The following SMYD5 variants were observed in gnomAD, a reference collection of about 807,000 sequenced individuals.
SMYD5 encodes protein-lysine N-trimethyltransferase SMYD5.
Under a neutral mutation model 57.4 loss-of-function variants are expected in SMYD5, and 35 were observed. The observed-to-expected ratio is 0.61, with a 90% CI of 0.47 to 0.81. SMYD5 has a LOEUF of 0.81. SMYD5 is among the 30% of genes least tolerant of loss of function. SMYD5 has a pLI of 0.00. For missense variants in SMYD5, 471 were observed against 527.9 expected (o/e 0.89, Z 1.06); for synonymous variants, 198 against 189.7 (o/e 1.04, Z -0.36).
chr2:73,214,571 G>C (rs368768416), intron 1 of SMYD5: 44 of 1,495,032 alleles, frequency 2.9e-5, no homozygotes, highest in African/African-American at 1.7e-4. Flanking sequence ...CGGAGTCTCC[G>C]TGCGCATTTC....
At chr2:73,214,466 G>GACGC in intron 1 of SMYD5, 104 bp downstream of exon 1, 4 of 1,573,648 alleles carry the variant, frequency 2.5e-6, no homozygotes, top group Non-Finnish European at 3.4e-6. Context: ...GTGCCGCTCG[G>GACGC]ACGCTACGGC....
At chr2:73,224,439 C>G (rs570780081) in intron 10 of SMYD5, among the ~76,000 whole-genome samples, 6 of 152,258 alleles carry the variant, frequency 3.9e-5, no homozygotes, top group East Asian at 3.9e-4. Context: ...CTTCCCACCC[C>G]CTGGTTTCCT....
chr2:73,223,504 T>G lies in SMYD5; in HGVS notation c.855T>G (p.Ile285Met). Residue 285 changes from isoleucine (I) to methionine (M), a missense_variant, in exon 9 of 13, where the codon ATT (isoleucine) becomes ATG (methionine). Physicochemically the swap from Ile to Met is conservative, Grantham distance 10. Transcript: ENST00000389501. ...PQDREQLDAF[I>M]DQLYKDIEAA... ...ACCGTGAGCAGCTTGACGCCTTCAT[T>G]GACCAGCTATACAAGGACATCGAGG... 6.2e-7 allele frequency: 1 copy of G among 1,613,916 alleles called. No homozygotes were observed. The highest frequency in any genetic ancestry group is 2.2e-5 in the East Asian group (1 of 44,868).
rs564710121 is a variant in SMYD5 at position 73,224,259 on chromosome 2, C to T, written c.940+256C>T. On this transcript the variant is annotated intron_variant, in intron 10 of 12. Coordinates refer to ENST00000389501, the MANE Select transcript of SMYD5 (RefSeq NM_006062.3). ...ACCTTACAATAGGCCAGGCCCTGTACTAAGGCAGGCATAGAGCTCTGATTC... is the reference window on the plus strand; with the variant it reads ...ACCTTACAATAGGCCAGGCCCTGTATTAAGGCAGGCATAGAGCTCTGATTC... Among the ~76,000 whole-genome samples the T allele has an allele frequency of 4.6e-5, 7 of 152,332 alleles. No homozygotes were observed. In the East Asian group the frequency reaches 1.4e-3, roughly 29 times the overall value.
intron 4 of SMYD5, 76 bp downstream of exon 4, chr2:73,220,858 G>C: frequency 6.5e-7 from 1 of 1,538,164 alleles, no homozygotes; most frequent in South Asian, 1.2e-5. Flanking sequence ...AGGTGTTGCC[G>C]TCTTTCTTAA....
chr2:73,219,501 C>T (rs1233432280), intron 2 of SMYD5, among the ~76,000 whole-genome samples: 1 of 152,218 alleles, frequency 6.6e-6, no homozygotes, highest in Non-Finnish European at 1.5e-5. Flanking sequence ...CCTGCCTCAG[C>T]CTCCCGAGTA....
chr2:73,221,912 T>A lies in SMYD5; in HGVS notation c.624T>A (p.Leu208=). ...AAGAGGAGGAAATTGTCCATAAACTTCTGGGAGACAAATTCAAGGTTATTA... is the reference window on the plus strand; with the variant it reads ...AAGAGGAGGAAATTGTCCATAAACTACTGGGAGACAAATTCAAGGTTATTA... ...ANEEEEIVHK[L]LGDKFKGQLE... Residue 208 remains leucine, a synonymous_variant, in exon 6 of 13, where the codon CTT becomes CTA. Transcript: ENST00000389501. 1 of 1,609,470 alleles carries A rather than the reference T, an allele frequency of 6.2e-7. No homozygotes were observed. The highest frequency in any genetic ancestry group is 1.1e-5 in the South Asian group (1 of 90,974).
chr2:73,225,052 G>A (rs1686473469), intron 11 of SMYD5, 92 bp downstream of exon 11: 2 of 914,456 alleles, frequency 2.2e-6, no homozygotes, highest in South Asian at 1.5e-5. Context: ...AGAGCACCTT[G>A]AAGTTCAGGC....
At chr2:73,225,558 G>A (rs943278451) in intron 11 of SMYD5, 73 bp from the exon 12 acceptor site, 1 of 1,362,328 alleles carries the variant, frequency 7.3e-7, no homozygotes, top group African/African-American at 1.4e-5. Flanking sequence ...TTGGAGATAG[G>A]GTAGCTGTTG....
intron 1 of SMYD5, among the ~76,000 whole-genome samples, chr2:73,218,393 C>T (rs1336216226): frequency 1.3e-5 from 2 of 152,184 alleles, no homozygotes; most frequent in Non-Finnish European, 2.9e-5. Flanking sequence ...CACATTCTCC[C>T]CCAAACAAGG....
chr2:73,214,579 T>G, intron 1 of SMYD5: 7 of 1,486,642 alleles, frequency 4.7e-6, no homozygotes, highest in African/African-American at 2.8e-5. Context: ...CCGTGCGCAT[T>G]TCCTCCCAGC....
intron 9 of SMYD5, 60 bp downstream of exon 9, chr2:73,223,592 G>A (rs1686443870): frequency 1.7e-6 from 2 of 1,154,212 alleles, no homozygotes; most frequent in African/African-American, 3.0e-5. Context: ...TCAGATGGTG[G>A]ACACAAAGTC....
chr2:73,225,628 C>T lies in SMYD5; in HGVS notation c.1036-3C>T. The T allele has an allele frequency of 1.9e-6, 3 of 1,614,112 alleles. No homozygotes were observed. Among genetic ancestry groups the T allele is most frequent in the Non-Finnish European group, 2.5e-6 (3 of 1,179,938 alleles). The stretch of plus-strand genomic sequence containing the variant: ...CATCAGACTGCACTTCTCTGCCCTA[C>T]AGGAAATTTGTATCAGCTACTTGGA... On this transcript the variant is annotated splice_polypyrimidine_tract_variant and splice_region_variant and intron_variant, in intron 11 of 12. Coordinates refer to ENST00000389501, the MANE Select transcript of SMYD5 (RefSeq NM_006062.3).
chr2:73,225,505 C>G (rs574224261), intron 11 of SMYD5, 126 bp from the exon 12 acceptor site: 2 of 858,146 alleles, frequency 2.3e-6, no homozygotes, highest in Admixed American at 4.2e-5. Context: ...AGCCCCTTCA[C>G]TGAAGGGCAA....
At chr2:73,224,757 C>T in intron 10 of SMYD5, 109 bp from the exon 11 acceptor site, 1 of 843,800 alleles carries the variant, frequency 1.2e-6, no homozygotes, top group East Asian at 2.5e-5. Flanking sequence ...CCAAAACGTG[C>T]TCAGCCTTGG....
rs1367239235 is a variant in SMYD5, at chr2:73,225,601, A to G, written c.1036-30A>G. 4 of 1,604,376 alleles carry G rather than the reference A, an allele frequency of 2.5e-6. No individual in the cohort carries two copies. The African/African-American group carries it at 4.0e-5, about 16-fold the overall frequency. On this transcript the variant is annotated intron_variant, in intron 11 of 12. Transcript: ENST00000389501. ...CCTTATGCCATTTAAAAGAGCACAG[A>G]CCATCAGACTGCACTTCTCTGCCCT...
intron 8 of SMYD5, 87 bp downstream of exon 8, chr2:73,223,193 G>A (rs916241523): frequency 4.6e-6 from 5 of 1,095,618 alleles, no homozygotes; most frequent in Non-Finnish European, 7.1e-6. Context: ...ACTGGGATGG[G>A]GTAGGGTGGG....
At position 73,225,674 on chromosome 2, in the gene SMYD5, G is replaced by T; in HGVS notation, c.1079G>T (p.Ser360Ile). The T allele has an allele frequency of 6.2e-7, 1 of 1,614,018 alleles. No individual in the cohort carries two copies. Among genetic ancestry groups the T allele is most frequent in the South Asian group, 1.1e-5 (1 of 91,074 alleles). ...TTGGACTGCTGTCAGCGGGAGCGCA[G>T]CCGCCACAGCCGCCACAAGATCCTC... ...SYLDCCQRER[S>I]RHSRHKILRE... Residue 360 changes from serine to isoleucine, a missense_variant, in exon 12 of 13, where the codon AGC becomes ATC. Transcript: ENST00000389501.
rs1489796388 is a variant in SMYD5 at position 73,220,669 on chromosome 2, C to T, written c.354C>T (p.Tyr118=). The change falls in exon 4 of 13, where the codon TAC becomes TAT. Residue 118 remains tyrosine, a synonymous_variant. Transcript: ENST00000389501. ...HQNCPHCQVM[Y]CSAECRLAAT... The stretch of plus-strand genomic sequence containing the variant: ...TCTATCCCACCTAACAGGTGATGTA[C>T]TGCAGTGCAGAATGTCGGTTGGCAG... 11 of 1,613,938 alleles carry T rather than the reference C, an allele frequency of 6.8e-6. No individual in the cohort carries two copies. Among genetic ancestry groups the T allele is most frequent in the Admixed American group, 5.0e-5 (3 of 60,006 alleles).
Sources: gnomAD v4.1 joint callset for allele counts (sites outside exome capture counted in the v4.1 genomes callset) on GRCh38, gnomAD v4.1.1 for gene constraint, MANE v1.5 for transcripts, NCBI Gene and HGNC (gene_info 2026-07-23, HGNC 2026-07-21) for gene names.